The following NFATC1 variants were observed in gnomAD, a reference collection of about 807,000 sequenced individuals.
The protein encoded by NFATC1 is nuclear factor of activated T-cells, cytoplasmic 1.
A neutral mutation model predicts 76.0 loss-of-function variants in NFATC1; 22 were observed. The ratio of observed to expected loss-of-function variants is 0.29; its 90% CI spans 0.21 to 0.41. The LOEUF (loss-of-function observed/expected upper bound fraction) is 0.41, where lower values mean the gene tolerates loss of function less well. Among genes scored for constraint, NFATC1 ranks in the 10% least tolerant of loss-of-function variants. NFATC1 has a pLI of 1.00. For missense variants in NFATC1, 1,357 were observed against 1,337.7 expected (o/e 1.01, Z -0.23); for synonymous variants, 704 against 613.1 (o/e 1.15, Z -2.19).
chr18:79,420,650 T>G (rs2086054594), intron 2 of NFATC1, among the ~76,000 whole-genome samples: 1 of 149,732 alleles, frequency 6.7e-6, no homozygotes, highest in Non-Finnish European at 1.5e-5. Flanking sequence ...CCAGGCAAGG[T>G]CGCTGCAGAG....
chr18:79,438,929 A>G (rs986843083), intron 3 of NFATC1, among the ~76,000 whole-genome samples: 1 of 152,190 alleles, frequency 6.6e-6, no homozygotes, highest in African/African-American at 2.4e-5. Flanking sequence ...TCATGTAAGA[A>G]ACTTGACAGC....
In NFATC1 at chr18:79,415,503, C is replaced by T. The variant is rs554400491; in HGVS notation, c.1226+4002C>T. Among the ~76,000 whole-genome samples the T allele has an allele frequency of 2.0e-5, 3 of 151,416 alleles. No homozygotes were observed. The South Asian group carries it at 6.3e-4, about 32-fold the overall frequency. On this transcript the variant is annotated intron_variant, in intron 2 of 9. Transcript: ENST00000427363. ...TTCACCATGTTAGCCAGGATGGTCT[C>T]GATCTCCTGACCTCGTGATCCACCC...
intron 1 of NFATC1, chr18:79,400,138 AGGGGGC>A (rs1360182091): frequency 5.0e-5 from 33 of 654,282 alleles, no homozygotes; most frequent in Admixed American, 7.4e-5. Context: ...CGCGCGCGCG[AGGGGGC>A]GGGGGCGGGG....
chr18:79,480,808 C>T (rs1204675279), intron 8 of NFATC1, among the ~76,000 whole-genome samples: 2 of 152,206 alleles, frequency 1.3e-5, no homozygotes, highest in South Asian at 4.1e-4. Context: ...GTTTTTAAAG[C>T]GCTCGGGACA....
Position 79,396,174 on chromosome 18 carries a change from G to A in NFATC1, c.-51G>A, listed in dbSNP as rs139536097. On this transcript the variant is annotated 5_prime_UTR_variant, in exon 1 of 10. Transcript: ENST00000427363. The stretch of plus-strand genomic sequence containing the variant: ...CCGACCCCGGCAGCGCGGGGCGGCC[G>A]CTTCTCCTGTGCCTCCGCCCGCCGC... The A allele has an allele frequency of 0.11, 153,540 of 1,408,208 alleles. 8,895 individuals carry two copies. The highest frequency in any genetic ancestry group is 0.14 in the African/African-American group (8,993 of 65,972). 87.2% of individuals were successfully genotyped at this position (1,408,208 alleles called of 1,614,324 possible).
At chr18:79,516,728 C>T (rs185133475) in intron 9 of NFATC1, among the ~76,000 whole-genome samples, 8 of 152,332 alleles carry the variant, frequency 5.3e-5, no homozygotes, top group South Asian at 4.1e-4. Context: ...GAGAGGCGGC[C>T]TCTTCAGTTA....
At chr18:79,425,670 C>T (rs1475030752) in intron 2 of NFATC1, among the ~76,000 whole-genome samples, 2 of 152,150 alleles carry the variant, frequency 1.3e-5, no homozygotes, top group South Asian at 2.1e-4. Flanking sequence ...CCGGCGGAGT[C>T]GGGGCGACTC....
At chr18:79,459,486 C>T (rs1425435853) in intron 6 of NFATC1, among the ~76,000 whole-genome samples, 1 of 152,174 alleles carries the variant, frequency 6.6e-6, no homozygotes, top group African/African-American at 2.4e-5. Flanking sequence ...CTCGGGGTGT[C>T]ATTAAACGCG....
At chr18:79,479,914 G>A (rs2089214692) in intron 8 of NFATC1, among the ~76,000 whole-genome samples, 1 of 152,226 alleles carries the variant, frequency 6.6e-6, no homozygotes, top group South Asian at 2.1e-4. Context: ...CCGCTGCCAG[G>A]GCTGAGAAAC....
chr18:79,398,170 C>T (rs1356509798), intron 1 of NFATC1, among the ~76,000 whole-genome samples: 1 of 152,218 alleles, frequency 6.6e-6, no homozygotes, highest in Non-Finnish European at 1.5e-5. Context: ...GTCGTGGTTC[C>T]TGAAGGCCCC....
At chr18:79,527,263 A>T in intron 9 of NFATC1, 1 of 416,100 alleles carries the variant, frequency 2.4e-6, no homozygotes, top group Non-Finnish European at 4.4e-6. Context: ...GGCACCTGGC[A>T]CCTGCACTTT....
intron 9 of NFATC1, among the ~76,000 whole-genome samples, chr18:79,500,324 G>A (rs2089986562): frequency 6.6e-6 from 1 of 152,110 alleles, no homozygotes; most frequent in Non-Finnish European, 1.5e-5. Context: ...AAGGGAAATT[G>A]GAAAATATTT....
At chr18:79,397,495 G>T (rs573932755) in intron 1 of NFATC1, among the ~76,000 whole-genome samples, 1 of 152,346 alleles carries the variant, frequency 6.6e-6, no homozygotes, top group Non-Finnish European at 1.5e-5. Context: ...TCCACGGAGG[G>T]GGGTCCGTGT....
At chr18:79,398,003 GC>G (rs1255158033) in intron 1 of NFATC1, among the ~76,000 whole-genome samples, 1 of 152,140 alleles carries the variant, frequency 6.6e-6, no homozygotes, top group Non-Finnish European at 1.5e-5. Flanking sequence ...ATGGGGACAC[GC>G]GTGGTTTCCA....
rs747602807 is a variant in NFATC1 at position 79,410,574 on chromosome 18, A to C, written c.299A>C (p.Tyr100Ser). 1 of 1,611,564 alleles carries C rather than the reference A, an allele frequency of 6.2e-7. No homozygotes were observed. The highest frequency in any genetic ancestry group is 1.3e-5 in the African/African-American group (1 of 74,844). ...GAALDGGPAGYFLSSGHTRPD... is the reference protein window; with the variant it reads ...GAALDGGPAGSFLSSGHTRPD... ...GCTTTGGACGGTGGGCCCGCGGGCTACTTCCTCTCCTCCGGCCACACCAGG... is the reference window on the plus strand; with the variant it reads ...GCTTTGGACGGTGGGCCCGCGGGCTCCTTCCTCTCCTCCGGCCACACCAGG... Residue 100 changes from tyrosine (Y) to serine (S), a missense_variant, in exon 2 of 10, where the codon TAC becomes TCC. This residue lies in a region of NFATC1 where 691 missense variants were observed against 613.1 expected (regional missense o/e 1.13). Transcript: ENST00000427363. The surrounding 1 kb of genome is among the most constrained non-coding windows in gnomAD (Gnocchi z 6.7).
At chr18:79,464,688 A>ATATACACACATG (rs2088359721) in intron 7 of NFATC1, among the ~76,000 whole-genome samples, 7 of 112,662 alleles carry the variant, frequency 6.2e-5, no homozygotes, top group African/African-American at 2.3e-4. Context: ...ATGTGTATAT[A>ATATACACACATG]TATATATTTA....
rs1343449797 is a variant in NFATC1, at chr18:79,527,966, T to C, written c.*389T>C. 1 of 412,960 alleles carries C rather than the reference T, an allele frequency of 2.4e-6. No homozygotes were observed. The highest frequency in any genetic ancestry group is 4.3e-6 in the Non-Finnish European group (1 of 233,692). The allele number at this position is 412,960 out of a possible 1,614,324, so 25.6% of individuals were successfully genotyped here. ...ACCAGACCATCAGGGCATCATAGAA[T>C]TGAGCATTGAATTTGCTACTGTAGG... On this transcript the variant is annotated 3_prime_UTR_variant, in exon 10 of 10. Coordinates refer to ENST00000427363, the MANE Select transcript of NFATC1 (RefSeq NM_001278669.2).
At chr18:79,486,050 C>T (rs144100373) in intron 8 of NFATC1, among the ~76,000 whole-genome samples, 198 bp from the exon 9 acceptor site, 7 of 151,880 alleles carry the variant, frequency 4.6e-5, no homozygotes, top group African/African-American at 1.5e-4. Flanking sequence ...CAGTCCTCGC[C>T]AGTATTAGAA....
chr18:79,466,896 T>TGGC (rs2088525792), intron 7 of NFATC1, among the ~76,000 whole-genome samples: 1 of 152,190 alleles, frequency 6.6e-6, no homozygotes, highest in Non-Finnish European at 1.5e-5. Context: ...ACACAGTGGC[T>TGGC]GGCGGCGGAG....
Sources: allele counts gnomAD v4.1 joint callset (sites outside exome capture counted in the v4.1 genomes callset), GRCh38; gene constraint gnomAD v4.1.1; regional missense constraint gnomAD v4.1.1; non-coding constraint Gnocchi (gnomAD v3.1); transcripts MANE v1.5; gene names NCBI Gene and HGNC (gene_info 2026-07-23, HGNC 2026-07-21).